The following PPFIA2 variants were observed in gnomAD, a reference collection of about 807,000 sequenced individuals.
PPFIA2 encodes the protein liprin-alpha-2.
In PPFIA2, 46 loss-of-function variants were observed where a neutral mutation model predicts 175.5. That is an observed-to-expected ratio of 0.26 (90% CI 0.21 to 0.34). PPFIA2 has a LOEUF of 0.34. Ranked by LOEUF, PPFIA2 falls within the 10% of genes least tolerant of loss-of-function variation. The pLI is 1.00. For missense variants in PPFIA2, 1,179 were observed against 1,506.1 expected (o/e 0.78, Z 3.60); for synonymous variants, 568 against 511.4 (o/e 1.11, Z -1.49).
chr12:81,480,440 T>C (rs12316483), intron 4 of PPFIA2, among the ~76,000 whole-genome samples: 10,620 of 152,178 alleles, frequency 0.07, 750 homozygotes, highest in African/African-American at 0.18. Context: ...ATCTGTCCAG[T>C]TTTATTCCCT....
At chr12:81,589,415 T>C (rs2058416930) in intron 4 of PPFIA2, among the ~76,000 whole-genome samples, 1 of 152,120 alleles carries the variant, frequency 6.6e-6, no homozygotes, top group Non-Finnish European at 1.5e-5. Flanking sequence ...TATAAGTTTA[T>C]TGGAAATTTG....
chr12:81,483,184 C>T (rs1214957609), intron 4 of PPFIA2, among the ~76,000 whole-genome samples: 1 of 152,020 alleles, frequency 6.6e-6, no homozygotes, highest in African/African-American at 2.4e-5. Flanking sequence ...TACCATATAA[C>T]CTAGCAATTC....
intron 4 of PPFIA2, among the ~76,000 whole-genome samples, chr12:81,548,129 C>T (rs746316835): frequency 7.7e-4 from 117 of 152,136 alleles, no homozygotes; most frequent in East Asian, 9.7e-4. Flanking sequence ...GTAATTTTTC[C>T]AAAGTCTATA....
chr12:81,574,101 A>T (rs1319284589), intron 4 of PPFIA2, among the ~76,000 whole-genome samples: 1 of 151,856 alleles, frequency 6.6e-6, no homozygotes, highest in African/African-American at 2.4e-5. Flanking sequence ...CAATACAAAA[A>T]TAGTTATCAG....
At chr12:81,568,770 C>T (rs1026171339) in intron 4 of PPFIA2, among the ~76,000 whole-genome samples, 68 of 152,266 alleles carry the variant, frequency 4.5e-4, no homozygotes, top group African/African-American at 1.6e-3. Context: ...CCTTTTCTTC[C>T]ATTCCCCATC....
At chr12:81,287,918 G>A (rs1013143265) in intron 24 of PPFIA2, among the ~76,000 whole-genome samples, 1 of 151,808 alleles carries the variant, frequency 6.6e-6, no homozygotes, top group African/African-American at 2.4e-5. Flanking sequence ...GGTTCTCTGA[G>A]ATCCCCTTAA....
chr12:81,376,819 G>GGAA, intron 9 of PPFIA2, among the ~76,000 whole-genome samples: 1 of 152,068 alleles, frequency 6.6e-6, no homozygotes, highest in African/African-American at 2.4e-5. Context: ...AATGGCTATA[G>GGAA]TTTCCATATC....
chr12:81,732,093 T>A (rs1423532403), intron 3 of PPFIA2, among the ~76,000 whole-genome samples: 2 of 151,576 alleles, frequency 1.3e-5, no homozygotes, highest in African/African-American at 2.4e-5. Context: ...AAATATCATA[T>A]GTGTAAGGGC....
At chr12:81,353,991 G>T (rs183465645) in intron 16 of PPFIA2, among the ~76,000 whole-genome samples, 82 of 152,172 alleles carry the variant, frequency 5.4e-4, no homozygotes, top group African/African-American at 1.9e-3. Flanking sequence ...GTGTATAATT[G>T]CACTGTGTCT....
intron 4 of PPFIA2, among the ~76,000 whole-genome samples, chr12:81,503,957 TTAAA>T (rs1211149591): frequency 3.3e-5 from 5 of 152,014 alleles, no homozygotes; most frequent in African/African-American, 4.8e-5. Flanking sequence ...TTAAGTACAA[TTAAA>T]TAAATTTAAT....
chr12:81,290,414 C>T (rs962234379), intron 24 of PPFIA2, among the ~76,000 whole-genome samples: 1 of 151,676 alleles, frequency 6.6e-6, no homozygotes, highest in Non-Finnish European at 1.5e-5. Context: ...TGAGTAAATG[C>T]TACCATGTAG....
chr12:81,353,296 A>G lies in PPFIA2; in HGVS notation c.1817T>C (p.Ile606Thr), dbSNP rs371172416. 1.9e-5 allele frequency: 31 copies of G among 1,613,464 alleles called. No individual in the cohort carries two copies. Among genetic ancestry groups the G allele is most frequent in the South Asian group, 3.3e-5 (3 of 91,076 alleles). Reference protein sequence around the residue: ...GDHEWNRTQQIGVLSSHPFES... With the variant: ...GDHEWNRTQQTGVLSSHPFES... ...AAAAGGGTGGCTGCTTAGTACTCCA[A>G]TCTGTTGAGTTCTATTCCACTCGTG... Residue 606 changes from isoleucine (I) to threonine (T), a missense_variant, in exon 17 of 33, where the codon ATT becomes ACT. Transcript: ENST00000549396.
intron 4 of PPFIA2, among the ~76,000 whole-genome samples, chr12:81,585,948 T>G (rs1429135129): frequency 6.6e-6 from 1 of 151,898 alleles, no homozygotes; most frequent in Non-Finnish European, 1.5e-5. Context: ...CGTTATGATG[T>G]GTATGATGTT....
rs1165680008 is a variant in PPFIA2 at position 81,415,177 on chromosome 12, TAAAAAAAAAAAAAAAAAAAAA to T, written c.646-9295_646-9275del. ...TTGTGAGAATTTATCTTGGTTCAGG[TAAAAAAAAAAAAAAAAAAAAA>T]AAAAAAAAAAAAATATATATATATA... On this transcript the variant is annotated intron_variant, in intron 7 of 32. Transcript: ENST00000549396. 7.2e-4 allele frequency among the ~76,000 whole-genome samples: 11 copies of T among 15,342 alleles called. No individual in the cohort carries two copies. The East Asian group carries it at 0.011, about 16-fold the overall frequency. 10.1% of individuals were successfully genotyped at this position (15,342 alleles called of 152,430 possible).
intron 4 of PPFIA2, among the ~76,000 whole-genome samples, chr12:81,630,217 T>C (rs893662385): frequency 6.6e-6 from 1 of 152,136 alleles, no homozygotes; most frequent in Non-Finnish European, 1.5e-5. Context: ...TCCAGATAAA[T>C]AAGATAATAA....
chr12:81,530,674 G>A (rs911016697), intron 4 of PPFIA2, among the ~76,000 whole-genome samples: 9 of 151,696 alleles, frequency 5.9e-5, no homozygotes, highest in African/African-American at 2.2e-4. Flanking sequence ...CAGCTGAAGA[G>A]GGTACAGTCT....
chr12:81,600,315 T>C (rs749360204), intron 4 of PPFIA2, among the ~76,000 whole-genome samples: 5 of 151,994 alleles, frequency 3.3e-5, no homozygotes, highest in Non-Finnish European at 7.4e-5. Context: ...ATGTTTTTCA[T>C]ATTGTCCCAG....
intron 4 of PPFIA2, among the ~76,000 whole-genome samples, chr12:81,552,480 T>A (rs562704299): frequency 3.9e-5 from 6 of 152,068 alleles, no homozygotes; most frequent in African/African-American, 1.2e-4. Flanking sequence ...AATGTATAGG[T>A]TTCTGACTTG....
At chr12:81,626,190 C>T (rs139823775) in intron 4 of PPFIA2, among the ~76,000 whole-genome samples, 8 of 150,858 alleles carry the variant, frequency 5.3e-5, no homozygotes, top group Admixed American at 2.0e-4. Context: ...CATCAAACTA[C>T]GTAGAGGATT....
Sources: gnomAD v4.1 joint callset for allele counts (sites outside exome capture counted in the v4.1 genomes callset) on GRCh38, gnomAD v4.1.1 for gene constraint, MANE v1.5 for transcripts, NCBI Gene and HGNC (gene_info 2026-07-23, HGNC 2026-07-21) for gene names.